SAE1: variants seen among roughly 807,000 people sequenced by gnomAD.
SAE1 encodes the protein SUMO-activating enzyme subunit 1.
In SAE1, 11 loss-of-function variants were observed where a neutral mutation model predicts 40.6. That is an observed-to-expected ratio of 0.27 (90% CI 0.17 to 0.45). The LOEUF is 0.45. Among genes scored for constraint, SAE1 ranks in the 20% least tolerant of loss-of-function variants. The pLI, the probability that SAE1 is intolerant of heterozygous loss-of-function variation, is 1.00. For missense variants in SAE1, 373 were observed against 427.3 expected (o/e 0.87, Z 1.12); for synonymous variants, 155 against 154.3 (o/e 1.00, Z -0.03).
chr19:47,163,827 C>G (rs1169261116), intron 5 of SAE1, among the ~76,000 whole-genome samples: 1 of 152,092 alleles, frequency 6.6e-6, no homozygotes, highest in Non-Finnish European at 1.5e-5. Context: ...GCTTTATTGC[C>G]CAGGCTGGAG....
intron 5 of SAE1, among the ~76,000 whole-genome samples, chr19:47,165,347 C>T (rs1023224005): frequency 1.3e-5 from 2 of 152,154 alleles, no homozygotes; most frequent in Admixed American, 1.3e-4. Context: ...ACCTTGGCCT[C>T]CCAAAGTGCT....
chr19:47,148,296 C>T (rs186430965), intron 2 of SAE1, among the ~76,000 whole-genome samples: 1 of 151,972 alleles, frequency 6.6e-6, no homozygotes, highest in Admixed American at 6.6e-5. Flanking sequence ...GGAAGTGGGC[C>T]AGCTCATTTT....
chr19:47,132,493 A>G (rs1186651485), intron 1 of SAE1, among the ~76,000 whole-genome samples: 1 of 150,738 alleles, frequency 6.6e-6, no homozygotes, highest in Non-Finnish European at 1.5e-5. Flanking sequence ...CCCAAGCTCA[A>G]GCGATCCTCG....
chr19:47,137,359 G>A (rs1289706677), intron 1 of SAE1, among the ~76,000 whole-genome samples: 1 of 152,116 alleles, frequency 6.6e-6, no homozygotes, highest in African/African-American at 2.4e-5. Flanking sequence ...TCGCACTCCA[G>A]CCTGGGTGAC....
At chr19:47,166,399 G>C (rs930382666) in intron 5 of SAE1, among the ~76,000 whole-genome samples, 1 of 152,132 alleles carries the variant, frequency 6.6e-6, no homozygotes, top group Non-Finnish European at 1.5e-5. Flanking sequence ...GTCAAGACAG[G>C]ATAATACAAT....
intron 5 of SAE1, among the ~76,000 whole-genome samples, chr19:47,162,262 C>T (rs1463116918): frequency 6.6e-6 from 1 of 152,174 alleles, no homozygotes; most frequent in Non-Finnish European, 1.5e-5. Flanking sequence ...TGGGTATGCT[C>T]ATAATTTGCT....
chr19:47,207,414 G>A lies in SAE1; in HGVS notation c.949-1745G>A, dbSNP rs142100275. ...CCACCTTCCTCATGAATGATGGGAC[G>A]GTGCTCCTGGGAACCGTTAAACCCT... is the stretch of plus-strand genomic sequence containing the variant. On this transcript the variant is annotated intron_variant, in intron 8 of 8. Coordinates refer to ENST00000270225, the MANE Select transcript of SAE1 (RefSeq NM_005500.3). Among the ~76,000 whole-genome samples, 565 of 152,248 alleles carry A rather than the reference G, an allele frequency of 3.7e-3. 2 individuals are homozygous for A. The highest frequency in any genetic ancestry group is 0.013 in the African/African-American group (526 of 41,522).
chr19:47,199,113 G>A (rs980661155), intron 7 of SAE1, among the ~76,000 whole-genome samples: 5 of 150,848 alleles, frequency 3.3e-5, no homozygotes, highest in Non-Finnish European at 7.4e-5. Context: ...AAGGCTGGGC[G>A]CGGTGGCTCA....
At chr19:47,197,000 G>T (rs1205625115) in intron 6 of SAE1, among the ~76,000 whole-genome samples, 13 of 152,066 alleles carry the variant, frequency 8.5e-5, no homozygotes, top group Non-Finnish European at 1.8e-4. Context: ...GACCAACATG[G>T]TGAAAACCCG....
Position 47,169,926 on chromosome 19 carries a change from G to A in SAE1, c.733+3G>A, listed in dbSNP as rs766618485. ...CTCCGACTACTTTCTCCTTCAAGGT[G>A]AGGTCTCAAAGCACAACTTACCCCG... On this transcript the variant is annotated splice_donor_region_variant and intron_variant, in intron 6 of 8. Coordinates refer to ENST00000270225, the MANE Select transcript of SAE1 (RefSeq NM_005500.3). 6.2e-7 allele frequency: 1 copy of A among 1,611,036 alleles called. No individual in the cohort carries two copies. The highest frequency in any genetic ancestry group is 2.2e-5 in the East Asian group (1 of 44,862).
At chr19:47,196,522 C>T (rs908390543) in intron 6 of SAE1, among the ~76,000 whole-genome samples, 2 of 149,220 alleles carry the variant, frequency 1.3e-5, no homozygotes, top group African/African-American at 4.9e-5. Context: ...TGTCACCACA[C>T]CTGGCTAATT....
Position 47,209,513 on chromosome 19 carries a change from T to C in SAE1, c.*262T>C. ...TCCCGGGCCTGCCAGCTCCCCTGAG[T>C]GATGAGCACTTCCAAGCACCCCTCT... On this transcript the variant is annotated 3_prime_UTR_variant, in exon 9 of 9. Transcript: ENST00000270225. 1.7e-6 allele frequency: 1 copy of C among 580,674 alleles called. No homozygotes were observed. Among genetic ancestry groups the C allele is most frequent in the Non-Finnish European group, 3.0e-6 (1 of 329,138 alleles). The allele number at this position is 580,674 out of a possible 1,614,324, so 36.0% of individuals were successfully genotyped here.
At chr19:47,203,859 T>A in intron 8 of SAE1, 119 bp downstream of exon 8, 1 of 891,514 alleles carries the variant, frequency 1.1e-6, no homozygotes, top group Non-Finnish European at 1.8e-6. Flanking sequence ...CATCTTTGTT[T>A]CATGCCCTCC....
chr19:47,133,865 T>TG (rs1261275934), intron 1 of SAE1, among the ~76,000 whole-genome samples: 1 of 150,396 alleles, frequency 6.6e-6, no homozygotes, highest in Non-Finnish European at 1.5e-5. Flanking sequence ...TTTTTTTGTT[T>TG]GTTTTTTTTT....
chr19:47,166,683 CTG>C (rs2058394764), intron 5 of SAE1, among the ~76,000 whole-genome samples: 1 of 152,160 alleles, frequency 6.6e-6, no homozygotes, highest in Non-Finnish European at 1.5e-5. Context: ...CCTGGTAATA[CTG>C]TGTTTCCTCA....
chr19:47,198,112 C>G (rs543841804), intron 7 of SAE1, among the ~76,000 whole-genome samples: 1 of 151,746 alleles, frequency 6.6e-6, no homozygotes, highest in Non-Finnish European at 1.5e-5. Context: ...ATCTCTCTCT[C>G]TCTTTTTTTT....
At chr19:47,180,814 C>G (rs188981566) in intron 6 of SAE1, among the ~76,000 whole-genome samples, 1 of 152,134 alleles carries the variant, frequency 6.6e-6, no homozygotes, top group African/African-American at 2.4e-5. Context: ...AAGACTTTGT[C>G]TCCCCCGAAA....
intron 5 of SAE1, among the ~76,000 whole-genome samples, chr19:47,166,780 C>G (rs2058395700): frequency 6.6e-6 from 1 of 152,094 alleles, no homozygotes; most frequent in African/African-American, 2.4e-5. Flanking sequence ...GTCTATATAG[C>G]AGGCATAAAA....
At chr19:47,154,088 C>T (rs1015972657) in intron 4 of SAE1, among the ~76,000 whole-genome samples, 4 of 146,758 alleles carry the variant, frequency 2.7e-5, no homozygotes, top group Non-Finnish European at 6.0e-5. Flanking sequence ...CCACCGCACC[C>T]GGCTATTATT....
Sources: allele counts gnomAD v4.1 joint callset (sites outside exome capture counted in the v4.1 genomes callset), GRCh38; gene constraint gnomAD v4.1.1; transcripts MANE v1.5; gene names NCBI Gene and HGNC (gene_info 2026-07-23, HGNC 2026-07-21).